The following SPACA9 variants were observed in gnomAD, a reference collection of about 807,000 sequenced individuals.
The protein encoded by SPACA9 is sperm acrosome-associated protein 9.
In SPACA9, 14 loss-of-function variants were observed where a neutral mutation model predicts 12.5. The observed-to-expected ratio is 1.12, with a 90% CI of 0.74 to 1.75. SPACA9 has a LOEUF of 1.75. Ranked by LOEUF, SPACA9 falls within the 40% of genes most tolerant of loss-of-function variation. SPACA9 has a pLI of 0.00. For missense variants in SPACA9, 292 were observed against 291.9 expected (o/e 1.00, Z 0.00); for synonymous variants, 111 against 114.1 (o/e 0.97, Z 0.17).
intron 2 of SPACA9, 72 bp downstream of exon 2, chr9:132,884,163 T>C: frequency 6.5e-7 from 1 of 1,542,722 alleles, no homozygotes; most frequent in African/African-American, 1.4e-5. Context: ...ATGAAACCAC[T>C]GGGGCCCAGA....
intron 1 of SPACA9, among the ~76,000 whole-genome samples, chr9:132,879,643 G>T (rs1167881883): frequency 6.6e-6 from 1 of 152,366 alleles, no homozygotes; most frequent in Admixed American, 6.5e-5. Flanking sequence ...GAAGTTGGAG[G>T]ATTAGAACAA....
chr9:132,887,533 C>T lies in SPACA9; in HGVS notation c.309C>T (p.Leu103=), dbSNP rs2131494569. 3.1e-6 allele frequency: 5 copies of T among 1,614,106 alleles called. No homozygotes were observed. The highest frequency in any genetic ancestry group is 1.1e-5 in the South Asian group (1 of 91,072). ...TNNLLEKCKT[L]VSQSNDLSSL... is the part of the protein sequence containing the mutation. ...ACCTCCTGGAGAAATGCAAAACCCT[C>T]GTTAGCCAAAGCAACGACTTAAGCA... is the stretch of plus-strand genomic sequence containing the variant. The change falls in exon 3 of 4, where the codon CTC becomes CTT. Residue 103 remains leucine, a synonymous_variant. Transcript: ENST00000356311. This position sits in a 1 kb window ranked among gnomAD's most constrained non-coding sequence, Gnocchi z 5.4.
chr9:132,889,448 C>G lies in SPACA9; in HGVS notation c.*837C>G. 1 of 973,462 alleles carries G rather than the reference C, an allele frequency of 1.0e-6. No homozygotes were observed. Among genetic ancestry groups the G allele is most frequent in the Non-Finnish European group, 1.2e-6 (1 of 819,056 alleles). 60.3% of individuals were successfully genotyped at this position (973,462 alleles called of 1,614,324 possible). On this transcript the variant is annotated 3_prime_UTR_variant, in exon 4 of 4. Transcript: ENST00000356311. The stretch of plus-strand genomic sequence containing the variant: ...TTGAGATGGAGTTTCACTCTGTCTC[C>G]CAGGCTGGAGTGCAGTGGCACGATC...
rs779795882 is a variant in SPACA9, at chr9:132,887,237, G to A, written c.145-132G>A. 10 of 743,262 alleles carry A rather than the reference G, an allele frequency of 1.3e-5. No homozygotes were observed. The highest frequency in any genetic ancestry group is 2.5e-5 in the East Asian group (1 of 40,782). 46.0% of individuals were successfully genotyped at this position (743,262 alleles called of 1,614,324 possible). ...GGTCTGTACCTTAAAATGCTTAAGC[G>A]TTACTTGCGTCTCCCCCATGAGTCA... On this transcript the variant is annotated intron_variant, in intron 2 of 3. Transcript: ENST00000356311. This position sits in a 1 kb window ranked among gnomAD's most constrained non-coding sequence, Gnocchi z 5.4.
chr9:132,888,195 A>T lies in SPACA9; in HGVS notation c.348-95A>T. ...GTGTGTCCAGTTCTAAAGCCTCCCCAGGTGACTCTGCTGTGCCTGAGGTGT... is the reference window on the plus strand; with the variant it reads ...GTGTGTCCAGTTCTAAAGCCTCCCCTGGTGACTCTGCTGTGCCTGAGGTGT... On this transcript the variant is annotated intron_variant, in intron 3 of 3. Transcript: ENST00000356311. This position sits in a 1 kb window ranked among gnomAD's most constrained non-coding sequence, Gnocchi z 5.0. The T allele has an allele frequency of 6.5e-7, 1 of 1,530,208 alleles. No individual in the cohort carries two copies. The highest frequency in any genetic ancestry group is 8.8e-7 in the Non-Finnish European group (1 of 1,138,992). 94.8% of individuals were successfully genotyped at this position (1,530,208 alleles called of 1,614,324 possible).
At chr9:132,881,195 G>A (rs1844414872) in intron 1 of SPACA9, among the ~76,000 whole-genome samples, 1 of 150,100 alleles carries the variant, frequency 6.7e-6, no homozygotes, top group Non-Finnish European at 1.5e-5. Flanking sequence ...GGAGGCTGAG[G>A]TGGGAGGATC....
upstream of SPACA9, chr9:132,878,381 G>T: frequency 5.6e-6 from 7 of 1,244,846 alleles, no homozygotes; most frequent in Non-Finnish European, 6.1e-6. The surrounding 1 kb of genome is among the most constrained non-coding windows in gnomAD (Gnocchi z 4.7). Flanking sequence ...CCCGATCCTC[G>T]GTCGCGCGGG....
chr9:132,881,778 C>T (rs973199255), intron 1 of SPACA9, among the ~76,000 whole-genome samples: 1 of 152,014 alleles, frequency 6.6e-6, no homozygotes, highest in Non-Finnish European at 1.5e-5. Flanking sequence ...CCTCCTGCCT[C>T]AGCCTCCCAA....
chr9:132,885,384 G>A (rs534015414), intron 2 of SPACA9, among the ~76,000 whole-genome samples: 5 of 151,494 alleles, frequency 3.3e-5, no homozygotes, highest in African/African-American at 9.7e-5. Flanking sequence ...GTGGTGGTAC[G>A]CGCCTGTAGT....
chr9:132,878,539 C>A, upstream of SPACA9: 1 of 1,171,012 alleles, frequency 8.5e-7, no homozygotes, highest in Non-Finnish European at 1.1e-6. The surrounding 1 kb of genome is among the most constrained non-coding windows in gnomAD (Gnocchi z 4.7). Flanking sequence ...ATCTGAGACC[C>A]CCGACGAAAC....
At chr9:132,881,518 C>T (rs67035325) in intron 1 of SPACA9, among the ~76,000 whole-genome samples, 30,580 of 151,730 alleles carry the variant, frequency 0.2, 3,347 homozygotes, top group East Asian at 0.44. Context: ...ATCATCCCAG[C>T]ACTTTCGGAG....
Position 132,888,775 on chromosome 9 carries a change from CTTT to C in SPACA9, c.*172_*174del, listed in dbSNP as rs146375638. The C allele has an allele frequency of 7.9e-6, 10 of 1,269,976 alleles. No individual in the cohort carries two copies. The East Asian group carries it at 2.7e-4, about 34-fold the overall frequency. The allele number at this position is 1,269,976 out of a possible 1,614,324, so 78.7% of individuals were successfully genotyped here. ...CCTCTCTCTCTTCTTGCTTTAACTT[CTTT>C]TTTTTTTGAGACGGAGTCTCGCTCT... On this transcript the variant is annotated 3_prime_UTR_variant, in exon 4 of 4. Coordinates refer to ENST00000356311, the MANE Select transcript of SPACA9 (RefSeq NM_001316897.2). This position sits in a 1 kb window ranked among gnomAD's most constrained non-coding sequence, Gnocchi z 5.0.
intron 2 of SPACA9, among the ~76,000 whole-genome samples, chr9:132,885,029 C>G (rs1163590229): frequency 6.6e-6 from 1 of 151,934 alleles, no homozygotes; most frequent in Non-Finnish European, 1.5e-5. Flanking sequence ...AGGAGAATTG[C>G]TTGAATCTGG....
chr9:132,886,641 C>G (rs563777118), intron 2 of SPACA9, among the ~76,000 whole-genome samples: 35 of 152,240 alleles, frequency 2.3e-4, no homozygotes, highest in Middle Eastern at 3.4e-3. Flanking sequence ...CTCCAGTGTT[C>G]ATGTCATGGT....
At chr9:132,878,521 C>G, upstream of SPACA9, 8 of 1,188,268 alleles carry the variant, frequency 6.7e-6, no homozygotes, top group Non-Finnish European at 8.3e-6. This position sits in a 1 kb window ranked among gnomAD's most constrained non-coding sequence, Gnocchi z 4.7. Flanking sequence ...CCAGCTGGGC[C>G]TCCTCGTATC....
At chr9:132,881,272 G>GAAA (rs776094730) in intron 1 of SPACA9, among the ~76,000 whole-genome samples, 2 of 80,146 alleles carry the variant, frequency 2.5e-5, no homozygotes, top group Non-Finnish European at 2.1e-5. Flanking sequence ...CAAAAAAAAA[G>GAAA]AAAAAAAAAA....
intron 1 of SPACA9, among the ~76,000 whole-genome samples, chr9:132,881,369 G>C (rs549016512): frequency 7.9e-5 from 12 of 151,056 alleles, no homozygotes; most frequent in Non-Finnish European, 1.5e-4. Flanking sequence ...TCAAGAGGCT[G>C]AGGCGGGAGG....
At chr9:132,881,690 C>G (rs1844432735) in intron 1 of SPACA9, among the ~76,000 whole-genome samples, 1 of 150,144 alleles carries the variant, frequency 6.7e-6, no homozygotes, top group African/African-American at 2.5e-5. Flanking sequence ...GAGACAGGGT[C>G]TCACTGTGTC....
At chr9:132,883,567 TGTGC>T (rs1259968592) in intron 1 of SPACA9, among the ~76,000 whole-genome samples, 1 of 152,058 alleles carries the variant, frequency 6.6e-6, no homozygotes, top group Non-Finnish European at 1.5e-5. Context: ...CATGCATGTG[TGTGC>T]GTGTGTGTGT....
Sources: gnomAD v4.1 joint callset for allele counts (sites outside exome capture counted in the v4.1 genomes callset) on GRCh38, gnomAD v4.1.1 for gene constraint, Gnocchi (gnomAD v3.1) non-coding constraint, MANE v1.5 for transcripts, NCBI Gene and HGNC (gene_info 2026-07-23, HGNC 2026-07-21) for gene names.